Variants in PLA1A observed in about 807,000 individuals in gnomAD.
PLA1A encodes the protein phospholipase A1 member A.
Under a neutral mutation model 49.4 loss-of-function variants are expected in PLA1A, and 47 were observed. The observed-to-expected ratio is 0.95, with a 90% CI of 0.75 to 1.21. PLA1A has a LOEUF of 1.21. PLA1A is among the 50% of genes most tolerant of loss of function. The pLI, the probability that PLA1A is intolerant of heterozygous loss-of-function variation, is 0.00. For synonymous variants in PLA1A, 224 were observed against 207.9 expected, an observed-to-expected ratio of 1.08 and a Z score of -0.67; for missense variants, 561 against 563.9, an observed-to-expected ratio of 0.99 and a Z score of 0.05.
intron 9 of PLA1A, among the ~76,000 whole-genome samples, chr3:119,628,181 C>G (rs2629406): frequency 0.62 from 94,001 of 152,150 alleles, 30,487 homozygotes; most frequent in East Asian, 0.9. Context: ...ACCTTGCCAG[C>G]TTAGGTAACT....
chr3:119,600,760 C>T (rs1231199500), intron 1 of PLA1A, among the ~76,000 whole-genome samples: 2 of 152,236 alleles, frequency 1.3e-5, no homozygotes, highest in East Asian at 3.8e-4. Context: ...CAGAGACACT[C>T]CTGGCTGCTG....
At chr3:119,613,160 A>T (rs556254669) in intron 5 of PLA1A, 42 bp downstream of exon 5, 1 of 1,355,942 alleles carries the variant, frequency 7.4e-7, no homozygotes, top group African/African-American at 1.4e-5. Flanking sequence ...AATGAGCTCA[A>T]GGCAGCGCCT....
At position 119,605,899 on chromosome 3, in the gene PLA1A, G is replaced by A. The variant is rs114703991; in HGVS notation, c.74-875G>A. Among the ~76,000 whole-genome samples, 895 of 152,312 alleles carry A rather than the reference G, an allele frequency of 5.9e-3. 9 individuals carry two copies. Among genetic ancestry groups the A allele is most frequent in the African/African-American group, 0.019 (802 of 41,558 alleles). On this transcript the variant is annotated intron_variant, in intron 1 of 10. Transcript: ENST00000273371. The stretch of plus-strand genomic sequence containing the variant: ...CTGTGAAGTAGGTGAGACTTGTCAA[G>A]GCTCTTCTCTGTCATCTATCTAGGC...
At chr3:119,611,755 G>A (rs1186894503) in intron 4 of PLA1A, among the ~76,000 whole-genome samples, 2 of 152,128 alleles carry the variant, frequency 1.3e-5, no homozygotes, top group Non-Finnish European at 2.9e-5. Context: ...AGAAGTCTTT[G>A]GTCAAACCTT....
In PLA1A at chr3:119,606,883, T is replaced by C. The variant is rs1209816234; in HGVS notation, c.183T>C (p.Pro61=). The C allele has an allele frequency of 1.2e-6, 2 of 1,614,164 alleles. No individual in the cohort carries two copies. The highest frequency in any genetic ancestry group is 2.2e-5 in the South Asian group (2 of 91,068). ...VQFLLFVPSN[P]SCGQLVEGSS... ...TTCTCCTCTTTGTCCCTTCGAATCC[T>C]AGCTGTGGGCAGCTAGTAGAAGGAA... is the stretch of plus-strand genomic sequence containing the variant. Residue 61 remains proline, a synonymous_variant, in exon 2 of 11, where the codon CCT becomes CCC. Transcript: ENST00000273371.
Position 119,613,137 on chromosome 3 carries a change from C to T in PLA1A, c.664+19C>T, listed in dbSNP as rs778624786. ...ACCGACAGTGAGCTGGGGTGACCTT[C>T]CTGGGATGAGGGAATGAGCTCAAGG... On this transcript the variant is annotated intron_variant, in intron 5 of 10. Coordinates refer to ENST00000273371, the MANE Select transcript of PLA1A (RefSeq NM_015900.4). 22 of 1,544,960 alleles carry T rather than the reference C, an allele frequency of 1.4e-5. No individual in the cohort carries two copies. The highest frequency in any genetic ancestry group is 2.0e-5 in the Non-Finnish European group (22 of 1,125,620).
chr3:119,621,956 C>T (rs115180562), intron 8 of PLA1A, among the ~76,000 whole-genome samples: 2,169 of 152,150 alleles, frequency 0.014, 27 homozygotes, highest in South Asian at 0.078. Flanking sequence ...CAGTGGCTCA[C>T]GTCTCTAATC....
chr3:119,613,721 G>A (rs1011310033), intron 5 of PLA1A, among the ~76,000 whole-genome samples: 9 of 152,134 alleles, frequency 5.9e-5, no homozygotes, highest in African/African-American at 1.2e-4. Context: ...GTGAAACCCC[G>A]TCTCTACTAA....
chr3:119,628,910 A>G, intron 10 of PLA1A, 45 bp downstream of exon 10: 1 of 1,495,832 alleles, frequency 6.7e-7, no homozygotes, highest in East Asian at 2.3e-5. Flanking sequence ...CTCACACATC[A>G]AAGACCAGTC....
Position 119,606,862 on chromosome 3 carries a change from C to T in PLA1A, c.162C>T (p.Leu54=), listed in dbSNP as rs868310089. 4 of 1,614,022 alleles carry T rather than the reference C, an allele frequency of 2.5e-6. No homozygotes were observed. In the African/African-American group the frequency reaches 5.3e-5, roughly 22 times the overall value. ...FEGTDLKVQF[L]LFVPSNPSCG... is the part of the protein sequence containing the mutation. ...GCACCGATCTCAAAGTCCAGTTTCT[C>T]CTCTTTGTCCCTTCGAATCCTAGCT... The change falls in exon 2 of 11, where the codon CTC becomes CTT. Residue 54 remains leucine, a synonymous_variant. Transcript: ENST00000273371.
chr3:119,623,210 C>T (rs13062086), intron 8 of PLA1A, among the ~76,000 whole-genome samples: 74,729 of 151,954 alleles, frequency 0.49, 19,079 homozygotes, highest in East Asian at 0.89. Context: ...GGCACAGTCA[C>T]GGTTCACTGC....
At chr3:119,622,134 A>AGAGGAG (rs1301974915) in intron 8 of PLA1A, among the ~76,000 whole-genome samples, 21 of 145,562 alleles carry the variant, frequency 1.4e-4, no homozygotes, top group African/African-American at 5.5e-4. Context: ...AAGAAGAGGA[A>AGAGGAG]GAGGAGGAGG....
At chr3:119,601,225 C>T (rs569605433) in intron 1 of PLA1A, among the ~76,000 whole-genome samples, 21 of 152,322 alleles carry the variant, frequency 1.4e-4, no homozygotes, top group African/African-American at 4.3e-4. Context: ...TGGGGGATAC[C>T]GATCTACAGA....
rs772576389 is a variant in PLA1A at position 119,606,820 on chromosome 3, C to T, written c.120C>T (p.Ser40=). 1.9e-6 allele frequency: 3 copies of T among 1,614,004 alleles called. No homozygotes were observed. Among genetic ancestry groups the T allele is most frequent in the Non-Finnish European group, 2.5e-6 (3 of 1,180,014 alleles). ...TPQPKCADFQ[S]ANLFEGTDLK... ...AGCCAAAGTGCGCTGACTTCCAGAG[C>T]GCCAACCTTTTTGAAGGCACCGATC... Residue 40 remains serine (S), a synonymous_variant, in exon 2 of 11, where the codon AGC becomes AGT. Coordinates refer to ENST00000273371, the MANE Select transcript of PLA1A (RefSeq NM_015900.4).
chr3:119,608,268 G>GAAAGAAAGA, intron 2 of PLA1A, among the ~76,000 whole-genome samples: 1 of 149,804 alleles, frequency 6.7e-6, no homozygotes, highest in East Asian at 2.0e-4. Context: ...AAGAAAGAAA[G>GAAAGAAAGA]AAAGAAAGAA....
chr3:119,608,634 T>G lies in PLA1A; in HGVS notation c.276-136T>G, dbSNP rs559559179. 9.7e-5 allele frequency: 68 copies of G among 698,222 alleles called. No homozygotes were observed. In the South Asian group the frequency reaches 1.3e-3, roughly 13 times the overall value. 43.3% of individuals were successfully genotyped at this position (698,222 alleles called of 1,614,324 possible). A position where few individuals can be genotyped will look rare whatever the true frequency, so the allele number is the denominator to read the frequency against. ...TGTGTCCTCCCTATGCTCCAAGTACTGTGTAATAAACTCCTCATATGAGCC... is the reference window on the plus strand; with the variant it reads ...TGTGTCCTCCCTATGCTCCAAGTACGGTGTAATAAACTCCTCATATGAGCC... On this transcript the variant is annotated intron_variant, in intron 2 of 10. Transcript: ENST00000273371.
At position 119,618,191 on chromosome 3, in the gene PLA1A, A is replaced by G. The variant is rs549859286; in HGVS notation, c.922+5A>G. On this transcript the variant is annotated splice_donor_5th_base_variant and intron_variant, in intron 7 of 10. Transcript: ENST00000273371. ...TGCTTTCCTGCCCAAGGATAGGTAA[A>G]GTGCTACCCCTTTGACTTCCTTTGA... 1.9e-6 allele frequency: 3 copies of G among 1,607,892 alleles called. No homozygotes were observed. The South Asian group carries it at 3.3e-5, about 18-fold the overall frequency.
chr3:119,627,656 C>T (rs558670844), intron 9 of PLA1A, among the ~76,000 whole-genome samples: 7 of 152,234 alleles, frequency 4.6e-5, no homozygotes, highest in Admixed American at 2.6e-4. Flanking sequence ...AGGAACGCAG[C>T]GCCCTCCTTC....
Position 119,619,432 on chromosome 3 carries a change from A to C in PLA1A, c.923-131A>C, listed in dbSNP as rs192964148. 4.1e-3 allele frequency: 2,931 copies of C among 706,558 alleles called. 5 individuals are homozygous for C. The highest frequency in any genetic ancestry group is 6.1e-3 in the Non-Finnish European group (2,336 of 383,690). 43.8% of individuals were successfully genotyped at this position (706,558 alleles called of 1,614,324 possible). A position where few individuals can be genotyped will look rare whatever the true frequency, so the allele number is the denominator to read the frequency against. ...CCCAGGACTCACCTTAGAATACAGC[A>C]CATAGTGCGTGTATGGTGTAGATGT... On this transcript the variant is annotated intron_variant, in intron 7 of 10. Coordinates refer to ENST00000273371, the MANE Select transcript of PLA1A (RefSeq NM_015900.4).
Sources: allele counts gnomAD v4.1 joint callset (sites outside exome capture counted in the v4.1 genomes callset), GRCh38; gene constraint gnomAD v4.1.1; transcripts MANE v1.5; gene names NCBI Gene and HGNC (gene_info 2026-07-23, HGNC 2026-07-21).